MMP16: variants seen among roughly 807,000 people sequenced by gnomAD.
MMP16 encodes the protein matrix metallopeptidase 16, also known as matrix metalloproteinase-16.
A neutral mutation model predicts 67.8 loss-of-function variants in MMP16; 12 were observed. The observed-to-expected ratio is 0.18, with a 90% CI of 0.11 to 0.29. The LOEUF is 0.29. Among genes scored for constraint, MMP16 ranks in the 10% least tolerant of loss-of-function variants. The pLI, the probability that MMP16 is intolerant of heterozygous loss-of-function variation, is 1.00. For synonymous variants in MMP16, 249 were observed against 255.9 expected (o/e 0.97, Z 0.26); for missense variants, 475 against 765.7 (o/e 0.62, Z 4.48).
chr8:88,132,623 T>A (rs1166641739), intron 4 of MMP16, among the ~76,000 whole-genome samples: 1 of 151,708 alleles, frequency 6.6e-6, no homozygotes, highest in Non-Finnish European at 1.5e-5. Context: ...TAGTGACTGA[T>A]GAGACAGACA....
chr8:88,305,870 T>G (rs561071438), intron 1 of MMP16, among the ~76,000 whole-genome samples: 1 of 151,836 alleles, frequency 6.6e-6, no homozygotes, highest in East Asian at 1.9e-4. Flanking sequence ...ACATCTCAAC[T>G]AAAAGAACTA....
intron 2 of MMP16, among the ~76,000 whole-genome samples, chr8:88,187,192 C>A (rs1314424796): frequency 6.6e-6 from 1 of 152,008 alleles, no homozygotes; most frequent in Non-Finnish European, 1.5e-5. Context: ...GATAAATAAC[C>A]AAATTCAATG....
intron 6 of MMP16, among the ~76,000 whole-genome samples, chr8:88,089,098 T>C (rs1029305312): frequency 6.6e-6 from 1 of 152,014 alleles, no homozygotes; most frequent in Admixed American, 6.6e-5. Context: ...ACTTTGTGAA[T>C]GTATACAAGC....
intron 3 of MMP16, among the ~76,000 whole-genome samples, chr8:88,185,279 G>C (rs1809056048): frequency 1.3e-5 from 2 of 151,924 alleles, no homozygotes; most frequent in South Asian, 4.2e-4. Flanking sequence ...GCTAACACGG[G>C]GAAATCCTGT....
At chr8:88,287,792 G>C (rs1274956920) in intron 1 of MMP16, among the ~76,000 whole-genome samples, 1 of 152,168 alleles carries the variant, frequency 6.6e-6, no homozygotes, top group South Asian at 2.1e-4. Flanking sequence ...CCAGAGCTTT[G>C]AGTAATCAGG....
intron 4 of MMP16, among the ~76,000 whole-genome samples, chr8:88,119,257 G>A (rs1807779468): frequency 6.6e-6 from 1 of 151,896 alleles, no homozygotes; most frequent in African/African-American, 2.4e-5. Context: ...AAAAATATAG[G>A]GCAGATACTG....
intron 1 of MMP16, among the ~76,000 whole-genome samples, chr8:88,272,620 T>C (rs1810581501): frequency 6.6e-6 from 1 of 152,176 alleles, no homozygotes; most frequent in Non-Finnish European, 1.5e-5. Context: ...GTAAATGTGA[T>C]CACATAACTA....
At chr8:88,090,693 G>T (rs1406987529) in intron 6 of MMP16, among the ~76,000 whole-genome samples, 1 of 151,636 alleles carries the variant, frequency 6.6e-6, no homozygotes, top group Admixed American at 6.6e-5. Context: ...CTAAAGATGT[G>T]TCTACACAAT....
chr8:88,063,474 C>T (rs1808426415), intron 7 of MMP16, among the ~76,000 whole-genome samples: 1 of 146,988 alleles, frequency 6.8e-6, no homozygotes, highest in African/African-American at 2.6e-5. Flanking sequence ...CATGCAGTAC[C>T]TAATAACCTT....
At chr8:88,128,950 C>T (rs1314088190) in intron 4 of MMP16, among the ~76,000 whole-genome samples, 1 of 151,712 alleles carries the variant, frequency 6.6e-6, no homozygotes, top group African/African-American at 2.4e-5. Flanking sequence ...ATTCCCAGCT[C>T]TTGAGGACTA....
At chr8:88,119,897 T>C (rs920472957) in intron 4 of MMP16, among the ~76,000 whole-genome samples, 2 of 152,064 alleles carry the variant, frequency 1.3e-5, no homozygotes, top group Non-Finnish European at 2.9e-5. Context: ...TCAAGCATCA[T>C]TTCTATGAAA....
At chr8:88,099,006 A>AT (rs1000964152) in intron 6 of MMP16, among the ~76,000 whole-genome samples, 18 of 151,752 alleles carry the variant, frequency 1.2e-4, no homozygotes, top group South Asian at 2.1e-4. Flanking sequence ...TGATAAAACC[A>AT]TTTTTTTCCT....
chr8:88,122,956 G>T (rs1420890090), intron 4 of MMP16, among the ~76,000 whole-genome samples: 1 of 150,692 alleles, frequency 6.6e-6, no homozygotes, highest in Non-Finnish European at 1.5e-5. Context: ...GCTTGGAAGT[G>T]AATTTTCCAA....
chr8:88,319,134 C>G (rs1292604357), intron 1 of MMP16, among the ~76,000 whole-genome samples: 3 of 152,122 alleles, frequency 2.0e-5, no homozygotes, highest in African/African-American at 7.2e-5. Flanking sequence ...CAAACAACTT[C>G]ACTCAGTCCA....
At chr8:88,248,751 G>T (rs568640550) in intron 1 of MMP16, among the ~76,000 whole-genome samples, 2 of 150,262 alleles carry the variant, frequency 1.3e-5, no homozygotes, top group Admixed American at 6.7e-5. Flanking sequence ...GGGAGAGGCT[G>T]GTGAGAAGAA....
At chr8:88,131,770 C>A (rs1029466900) in intron 4 of MMP16, among the ~76,000 whole-genome samples, 1 of 151,836 alleles carries the variant, frequency 6.6e-6, no homozygotes, top group Non-Finnish European at 1.5e-5. Flanking sequence ...CCCTAACAAA[C>A]CATAATAATT....
chr8:88,311,562 T>C (rs1203361534), intron 1 of MMP16, among the ~76,000 whole-genome samples: 1 of 152,192 alleles, frequency 6.6e-6, no homozygotes, highest in Non-Finnish European at 1.5e-5. Flanking sequence ...CTATTTTGTT[T>C]TGTAAAATTA....
chr8:88,171,622 A>G (rs185479551), intron 3 of MMP16, among the ~76,000 whole-genome samples: 2 of 152,314 alleles, frequency 1.3e-5, no homozygotes, highest in East Asian at 3.9e-4. Flanking sequence ...TAAATTAAAA[A>G]ATAGGAAAAA....
rs374862590 is a variant in MMP16 at position 88,197,146 on chromosome 8, G to A, written c.281+12C>T. 2.4e-5 allele frequency: 38 copies of A among 1,606,714 alleles called. No individual in the cohort carries two copies. Among genetic ancestry groups the A allele is most frequent in the African/African-American group, 4.0e-5 (3 of 74,438 alleles). Reference sequence around the variant, plus strand: ...GGACCAAAAAGAAAGGAGGATGGGAGCCATTACTTACTCAATTGTGTTTCT... The same window carrying A: ...GGACCAAAAAGAAAGGAGGATGGGAACCATTACTTACTCAATTGTGTTTCT... On this transcript the variant is annotated intron_variant, in intron 2 of 9. Transcript: ENST00000286614.
Sources: gnomAD v4.1 joint callset for allele counts (sites outside exome capture counted in the v4.1 genomes callset) on GRCh38, gnomAD v4.1.1 for gene constraint, MANE v1.5 for transcripts, NCBI Gene and HGNC (gene_info 2026-07-23, HGNC 2026-07-21) for gene names.